The following STEAP2 variants were observed in gnomAD, a reference collection of about 807,000 sequenced individuals.
STEAP2 encodes metalloreductase STEAP2.
A neutral mutation model predicts 46.4 loss-of-function variants in STEAP2; 30 were observed. That is an observed-to-expected ratio of 0.65 (90% CI 0.48 to 0.88). STEAP2 has a LOEUF of 0.88. STEAP2 is among the 40% of genes least tolerant of loss of function. STEAP2 has a pLI of 0.00. For missense variants in STEAP2, 513 were observed against 579.3 expected (o/e 0.89, Z 1.18); for synonymous variants, 180 against 200.5 (o/e 0.90, Z 0.86).
chr7:90,222,922 C>T (rs913269914), intron 2 of STEAP2, among the ~76,000 whole-genome samples: 2 of 152,046 alleles, frequency 1.3e-5, no homozygotes, highest in Non-Finnish European at 2.9e-5. Flanking sequence ...CTGCTATGAG[C>T]ATAGAAGAAA....
At position 90,225,573 on chromosome 7, in the gene STEAP2, A is replaced by C; in HGVS notation, c.491A>C (p.Gln164Pro). Residue 164 changes from glutamine to proline, a missense_variant and splice_region_variant, in exon 3 of 6, where the codon CAG (glutamine) becomes CCG (proline). Physicochemically the swap from Gln to Pro is moderately conservative, Grantham distance 76. Coordinates refer to ENST00000394621, the MANE Select transcript of STEAP2 (RefSeq NM_001244944.2). ...TTAGGACCTAAGGATGCCAGCCGGC[A>C]GGTATGTATTTTACATTTTTATTCT... ...LQLGPKDASR[Q>P]VYICSNNIQA... is the part of the protein sequence containing the mutation. The C allele has an allele frequency of 5.7e-6, 9 of 1,575,256 alleles. No homozygotes were observed. The highest frequency in any genetic ancestry group is 7.7e-6 in the Non-Finnish European group (9 of 1,164,994).
chr7:90,240,024 C>A (rs1025025634), downstream of STEAP2, among the ~76,000 whole-genome samples: 6 of 152,178 alleles, frequency 3.9e-5, no homozygotes, highest in African/African-American at 1.4e-4. This position sits in a 1 kb window ranked among gnomAD's most constrained non-coding sequence, Gnocchi z 4.1. Flanking sequence ...GTGATCCTAG[C>A]ACTTTGGGAG....
intron 2 of STEAP2, among the ~76,000 whole-genome samples, chr7:90,222,709 A>G (rs1327925088): frequency 6.6e-6 from 1 of 152,208 alleles, no homozygotes; most frequent in African/African-American, 2.4e-5. Context: ...AGCATTAAGT[A>G]ATATTACTAT....
intron 5 of STEAP2, among the ~76,000 whole-genome samples, chr7:90,231,922 A>C (rs1375919690): frequency 1.3e-5 from 2 of 152,088 alleles, no homozygotes; most frequent in Non-Finnish European, 2.9e-5. Context: ...ATGGCCTAAC[A>C]TGACATTTAT....
In STEAP2 at chr7:90,235,507, G is replaced by A. The variant is rs775287954; in HGVS notation, c.*2883G>A. On this transcript the variant is annotated 3_prime_UTR_variant, in exon 6 of 6. Coordinates refer to ENST00000394621, the MANE Select transcript of STEAP2 (RefSeq NM_001244944.2). Reference sequence around the variant, plus strand: ...TACTATTGCTAGGTGTGAGAAAGTGGTGGTGAGAACCTTAGAGCAGTGGAG... The same window carrying A: ...TACTATTGCTAGGTGTGAGAAAGTGATGGTGAGAACCTTAGAGCAGTGGAG... 834 of 985,094 alleles carry A rather than the reference G, an allele frequency of 8.5e-4. No homozygotes were observed. Among genetic ancestry groups the A allele is most frequent in the Non-Finnish European group, 8.1e-4 (669 of 829,892 alleles). 61.0% of individuals were successfully genotyped at this position (985,094 alleles called of 1,614,324 possible).
At chr7:90,214,499 G>T (rs1562799646) in intron 1 of STEAP2, among the ~76,000 whole-genome samples, 1 of 152,114 alleles carries the variant, frequency 6.6e-6, no homozygotes, top group Non-Finnish European at 1.5e-5. Context: ...TTAATTTAAG[G>T]TGAAACTAAT....
chr7:90,230,064 T>C, intron 5 of STEAP2, 28 bp downstream of exon 5: 1 of 1,599,538 alleles, frequency 6.3e-7, no homozygotes, highest in African/African-American at 1.3e-5. Flanking sequence ...TGGTGAAGGA[T>C]TGTGCAGGAT....
intron 2 of STEAP2, among the ~76,000 whole-genome samples, chr7:90,220,265 G>A (rs1305421163): frequency 6.6e-6 from 1 of 152,116 alleles, no homozygotes; most frequent in Non-Finnish European, 1.5e-5. Flanking sequence ...TCTGGCCCTG[G>A]ACTTTTCTTT....
rs1795893172 is a variant in STEAP2 at position 90,234,654 on chromosome 7, C to T, written c.*2030C>T. The T allele has an allele frequency of 1.7e-6, 1 of 602,742 alleles. No homozygotes were observed. The allele number at this position is 602,742 out of a possible 1,614,324, so 37.3% of individuals were successfully genotyped here. ...CAAGCTCTGCCTCCCGGGTTCACGC[C>T]ATTCTCCTGCCTCAGCCTCCCGAGT... is the stretch of plus-strand genomic sequence containing the variant. On this transcript the variant is annotated 3_prime_UTR_variant, in exon 6 of 6. Transcript: ENST00000394621.
Position 90,236,508 on chromosome 7 carries a change from A to C in STEAP2, c.*3884A>C. 9.9e-7 allele frequency: 1 copy of C among 1,012,340 alleles called. No homozygotes were observed. The allele number at this position is 1,012,340 out of a possible 1,614,324, so 62.7% of individuals were successfully genotyped here. A position where few individuals can be genotyped will look rare whatever the true frequency, so the allele number is the denominator to read the frequency against. On this transcript the variant is annotated 3_prime_UTR_variant, in exon 6 of 6. Transcript: ENST00000394621. ...GTGGGTAAAACAAATTCTGATGTAC[A>C]TTCAGGACAAATGATTAGCCCTAAA...
intron 3 of STEAP2, among the ~76,000 whole-genome samples, chr7:90,226,623 T>C (rs998451078): frequency 6.6e-6 from 1 of 152,140 alleles, no homozygotes; most frequent in African/African-American, 2.4e-5. Context: ...TTCTATGTGG[T>C]CTATTTTAGA....
intron 1 of STEAP2, among the ~76,000 whole-genome samples, chr7:90,212,496 T>G (rs17865465): frequency 2.0e-5 from 3 of 152,192 alleles, no homozygotes; most frequent in African/African-American, 4.8e-5. Flanking sequence ...TTCCCAGTAA[T>G]GTAATCGTGG....
downstream of STEAP2, chr7:90,237,782 A>G: frequency 4.5e-6 from 1 of 223,358 alleles, no homozygotes; most frequent in Non-Finnish European, 9.0e-6. Context: ...GTTTTTACTA[A>G]AATAGTCATT....
chr7:90,231,509 A>ATGACC (rs1795746385), intron 5 of STEAP2, among the ~76,000 whole-genome samples: 1 of 152,018 alleles, frequency 6.6e-6, no homozygotes, highest in African/African-American at 2.4e-5. Flanking sequence ...TATACAAACC[A>ATGACC]TGACCTATTG....
rs1349435129 is a variant in STEAP2 at position 90,225,236 on chromosome 7, T to G, written c.154T>G (p.Cys52Gly). The G allele has an allele frequency of 6.2e-7, 1 of 1,614,046 alleles. No homozygotes were observed. The highest frequency in any genetic ancestry group is 1.1e-5 in the South Asian group (1 of 91,080). ...ATCCTTGACCATTCGACTTATTAGA[T>G]GCGGCTATCATGTGGTCATAGGAAG... ...AKSLTIRLIR[C>G]GYHVVIGSRN... is the part of the protein sequence containing the mutation. The change falls in exon 3 of 6, where the codon TGC (cysteine) becomes GGC (glycine). Residue 52 changes from cysteine (C) to glycine (G), a missense_variant. Transcript: ENST00000394621.
chr7:90,225,688 A>T, intron 3 of STEAP2, 114 bp downstream of exon 3: 11 of 1,207,610 alleles, frequency 9.1e-6, no homozygotes, highest in Non-Finnish European at 1.2e-5. Flanking sequence ...TTATCATTTG[A>T]AAATTAATTA....
chr7:90,225,284 GA>G lies in STEAP2; in HGVS notation c.204del (p.Glu68AspfsTer7). ...AAGTAGAAATCCTAAGTTTGCTTCT[GA>G]ATTTTTTCCTCATGTGGTAGATGTC... is the stretch of plus-strand genomic sequence containing the variant. ...IGSRNPKFAS[E>X]FFPHVVDVTH... On this transcript the variant is annotated frameshift_variant, in exon 3 of 6. Transcript: ENST00000394621. LOFTEE classifies it high-confidence loss of function. 1 of 1,613,988 alleles carries G rather than the reference GA, an allele frequency of 6.2e-7. No homozygotes were observed. Among genetic ancestry groups the G allele is most frequent in the Admixed American group, 1.7e-5 (1 of 59,954 alleles).
downstream of STEAP2, among the ~76,000 whole-genome samples, chr7:90,241,688 T>G (rs1421638818): frequency 6.6e-6 from 1 of 152,194 alleles, no homozygotes; most frequent in Non-Finnish European, 1.5e-5. Flanking sequence ...TTTTGAAAAC[T>G]ACTGCTCTAG....
At chr7:90,238,762 T>C (rs1048644543), downstream of STEAP2, among the ~76,000 whole-genome samples, 3 of 152,108 alleles carry the variant, frequency 2.0e-5, no homozygotes, top group Non-Finnish European at 2.9e-5. Context: ...TACAGTACTT[T>C]TGGTAGTGGA....
Sources: gnomAD v4.1 joint callset for allele counts (sites outside exome capture counted in the v4.1 genomes callset) on GRCh38, gnomAD v4.1.1 for gene constraint, Gnocchi (gnomAD v3.1) non-coding constraint, MANE v1.5 for transcripts, NCBI Gene and HGNC (gene_info 2026-07-23, HGNC 2026-07-21) for gene names.